The following CHRDL1 variants were observed in gnomAD, a reference collection of about 807,000 sequenced individuals.
CHRDL1 encodes chordin-like protein 1.
In CHRDL1, 19 loss-of-function variants were observed where a neutral mutation model predicts 40.9. That is an observed-to-expected ratio of 0.46 (90% CI 0.32 to 0.68). The LOEUF is 0.68. Among genes scored for constraint, CHRDL1 ranks in the 30% least tolerant of loss-of-function variants. CHRDL1 has a pLI of 0.03. For synonymous variants in CHRDL1, 136 were observed against 123.4 expected (o/e 1.10, Z -0.68); for missense variants, 329 against 352.1 (o/e 0.93, Z 0.53).
At chrX:110,753,183 G>GA (rs2089390660) in intron 4 of CHRDL1, among the ~76,000 whole-genome samples, 1 of 112,034 alleles carries the variant, frequency 8.9e-6, no homozygotes, top group African/African-American at 3.2e-5. Context: ...AATGGATAAC[G>GA]AAAGTGGTCT....
intron 4 of CHRDL1, among the ~76,000 whole-genome samples, chrX:110,728,119 AATAT>A (rs759247022): frequency 2.7e-5 from 3 of 109,884 alleles, no homozygotes; most frequent in Non-Finnish European, 5.7e-5. Context: ...ATATTTTTAA[AATAT>A]ATATATATAT....
intron 2 of CHRDL1, among the ~76,000 whole-genome samples, chrX:110,764,786 G>C (rs774057526): frequency 5.4e-5 from 6 of 110,569 alleles, no homozygotes; most frequent in Admixed American, 9.6e-5. Context: ...TGCATTCCTG[G>C]GGGGAGGTCT....
chrX:110,755,070 G>A (rs1180888346), intron 4 of CHRDL1, among the ~76,000 whole-genome samples: 1 of 110,875 alleles, frequency 9.0e-6, no homozygotes, highest in African/African-American at 3.3e-5. Flanking sequence ...AGAGAAGATA[G>A]GGAATTTAAT....
At chrX:110,742,982 G>C (rs2148488990) in intron 4 of CHRDL1, among the ~76,000 whole-genome samples, 1 of 111,998 alleles carries the variant, frequency 8.9e-6, no homozygotes, top group African/African-American at 3.2e-5. Flanking sequence ...CAGCGAATGG[G>C]ATAAAGCTGT....
intron 6 of CHRDL1, among the ~76,000 whole-genome samples, chrX:110,712,178 T>C (rs1007487482): frequency 8.9e-6 from 1 of 112,287 alleles, no homozygotes; most frequent in Non-Finnish European, 1.9e-5. Flanking sequence ...ATGCTTATTT[T>C]TGAACCAGAT....
intron 2 of CHRDL1, among the ~76,000 whole-genome samples, chrX:110,765,289 T>C (rs751691480): frequency 8.9e-6 from 1 of 111,990 alleles, no homozygotes; most frequent in African/African-American, 3.3e-5. Context: ...AATTCCTCTC[T>C]TTGTACTCTT....
At chrX:110,781,167 A>G (rs2089935741) in intron 2 of CHRDL1, among the ~76,000 whole-genome samples, 1 of 111,594 alleles carries the variant, frequency 9.0e-6, no homozygotes, top group South Asian at 3.8e-4. Flanking sequence ...ATCTTTCTCT[A>G]CCATTTCGGT....
chrX:110,785,068 G>C lies in CHRDL1; in HGVS notation c.94+7020C>G, dbSNP rs764531986. Reference sequence around the variant, plus strand: ...AAAAACCAAACTGTTCTTCCTATCAGCACTTTAGCGGTGCAAATCTCTGTG... The same window carrying C: ...AAAAACCAAACTGTTCTTCCTATCACCACTTTAGCGGTGCAAATCTCTGTG... On this transcript the variant is annotated intron_variant, in intron 2 of 11. Coordinates refer to ENST00000372042, the MANE Select transcript of CHRDL1 (RefSeq NM_001143981.2). Among the ~76,000 whole-genome samples the C allele has an allele frequency of 1.2e-3, 132 of 112,066 alleles. 1 individual carries two copies. Among genetic ancestry groups the C allele is most frequent in the Non-Finnish European group, 2.2e-3 (116 of 53,235 alleles).
intron 4 of CHRDL1, among the ~76,000 whole-genome samples, chrX:110,738,506 G>C (rs183850883): frequency 1.8e-5 from 2 of 110,872 alleles, no homozygotes; most frequent in Admixed American, 1.9e-4. Flanking sequence ...ACTTTGGGAG[G>C]CTGAGGCGGG....
intron 10 of CHRDL1, among the ~76,000 whole-genome samples, chrX:110,680,520 C>T (rs1351236024): frequency 8.9e-6 from 1 of 111,950 alleles, no homozygotes; most frequent in Non-Finnish European, 1.9e-5. Context: ...GCATTAGAAT[C>T]ATCTGGCTAT....
intron 2 of CHRDL1, among the ~76,000 whole-genome samples, chrX:110,765,856 T>G (rs891901536): frequency 8.9e-6 from 1 of 111,863 alleles, no homozygotes; most frequent in Non-Finnish European, 1.9e-5. Context: ...ACTTACAAGA[T>G]ATATATAGAA....
At chrX:110,786,242 TAA>T (rs1443291526) in intron 2 of CHRDL1, among the ~76,000 whole-genome samples, 3 of 112,435 alleles carry the variant, frequency 2.7e-5, no homozygotes, top group Non-Finnish European at 5.6e-5. Flanking sequence ...AACCAAATGT[TAA>T]AAACATCTAT....
chrX:110,721,461 T>C lies in CHRDL1; in HGVS notation c.371A>G (p.Gln124Arg). The C allele has an allele frequency of 2.5e-6, 3 of 1,207,856 alleles. No individual in the cohort carries two copies. Among genetic ancestry groups the C allele is most frequent in the Middle Eastern group, 2.3e-4 (1 of 4,344 alleles). Residue 124 changes from glutamine (Q) to arginine (R), a missense_variant, in exon 5 of 12, where the codon CAA (glutamine) becomes CGA (arginine). By Grantham distance (43) the Gln-to-Arg change is conservative (BLOSUM62 1). Coordinates refer to ENST00000372042, the MANE Select transcript of CHRDL1 (RefSeq NM_001143981.2). Reference sequence around the variant, plus strand: ...TTCAGCTACGAACAGCTCTCCATGTTGGTAAGTTGTCCCATTGTACTCGCA... The same window carrying C: ...TTCAGCTACGAACAGCTCTCCATGTCGGTAAGTTGTCCCATTGTACTCGCA... ...KSCEYNGTTYQHGELFVAEGL... is the reference protein window; with the variant it reads ...KSCEYNGTTYRHGELFVAEGL...
intron 4 of CHRDL1, among the ~76,000 whole-genome samples, chrX:110,734,473 A>G (rs1362330138): frequency 8.9e-6 from 1 of 111,863 alleles, no homozygotes; most frequent in Non-Finnish European, 1.9e-5. Context: ...TATTCAGCTC[A>G]TGGACCATTC....
Position 110,679,438 on chromosome X carries a change from A to G in CHRDL1, c.1157-13T>C, listed in dbSNP as rs763296950. 1.8e-6 allele frequency: 2 copies of G among 1,138,263 alleles called. No homozygotes were observed. Among genetic ancestry groups the G allele is most frequent in the Admixed American group, 4.4e-5 (2 of 45,905 alleles). 93.8% of individuals were successfully genotyped at this position (1,138,263 alleles called of 1,213,427 possible). A position where few individuals can be genotyped will look rare whatever the true frequency, so the allele number is the denominator to read the frequency against. ...TGCTGGAGAATGCCTAGGGCCAAGC[A>G]AAAAGTGGAGCAAATGGTCAGGCAC... On this transcript the variant is annotated splice_polypyrimidine_tract_variant and intron_variant, in intron 10 of 11. Transcript: ENST00000372042.
intron 4 of CHRDL1, among the ~76,000 whole-genome samples, chrX:110,754,570 T>C (rs777249527): frequency 1.8e-5 from 2 of 112,289 alleles, no homozygotes; most frequent in South Asian, 3.7e-4. Flanking sequence ...ACACATACTA[T>C]AGTGCAACAC....
chrX:110,698,705 G>C (rs898339468), intron 7 of CHRDL1, among the ~76,000 whole-genome samples: 1 of 112,154 alleles, frequency 8.9e-6, no homozygotes, highest in African/African-American at 3.3e-5. Context: ...AAAGATAAGG[G>C]CTGGAATTGA....
At chrX:110,705,889 A>C (rs2070628253) in intron 6 of CHRDL1, among the ~76,000 whole-genome samples, 1 of 110,162 alleles carries the variant, frequency 9.1e-6, no homozygotes, top group Non-Finnish European at 1.9e-5. Flanking sequence ...GGTGCCTCTG[A>C]GCTTTCAAAG....
At position 110,759,734 on chromosome X, in the gene CHRDL1, G is replaced by A. The variant is rs143406728; in HGVS notation, c.228C>T (p.Ser76=). ...AATGAACATTTGGACATCTGACTCGGCTGCAAAGCACATTCCCATTCTGAA... is the reference window on the plus strand; with the variant it reads ...AATGAACATTTGGACATCTGACTCGACTGCAAAGCACATTCCCATTCTGAA... The part of the protein sequence containing the change: ...ICSENGNVLC[S]RVRCPNVHCL... Residue 76 remains serine, a synonymous_variant, in exon 4 of 12, where the codon AGC becomes AGT. Transcript: ENST00000372042. The A allele has an allele frequency of 4.3e-5, 52 of 1,195,537 alleles. No individual in the cohort carries two copies. Among genetic ancestry groups the A allele is most frequent in the Non-Finnish European group, 4.5e-6 (4 of 882,145 alleles).
Sources: gnomAD v4.1 joint callset for allele counts (sites outside exome capture counted in the v4.1 genomes callset) on GRCh38, gnomAD v4.1.1 for gene constraint, MANE v1.5 for transcripts, NCBI Gene and HGNC (gene_info 2026-07-23, HGNC 2026-07-21) for gene names.